CSMD2: variants seen among roughly 807,000 people sequenced by gnomAD.
CSMD2 encodes the protein CUB and Sushi multiple domains 2.
In CSMD2, 130 loss-of-function variants were observed where a neutral mutation model predicts 398.5. The ratio of observed to expected loss-of-function variants is 0.33; its 90% confidence interval spans 0.28 to 0.38. The LOEUF (loss-of-function observed/expected upper bound fraction) is 0.38. CSMD2 is among the 10% of genes least tolerant of loss of function. The pLI, the probability that CSMD2 is intolerant of heterozygous loss-of-function variation, is 1.00. For missense variants in CSMD2, 3,829 were observed against 4,764.9 expected (o/e 0.80, Z 5.78); for synonymous variants, 1,828 against 1,908.5 (o/e 0.96, Z 1.10).
intron 1 of CSMD2, among the ~76,000 whole-genome samples, chr1:34,115,846 G>C (rs1050184315): frequency 2.6e-5 from 4 of 151,838 alleles, no homozygotes; most frequent in African/African-American, 9.7e-5. Context: ...ATAGCGTGAA[G>C]TTTTTATATG....
At chr1:33,992,362 A>G (rs1180329069) in intron 3 of CSMD2, among the ~76,000 whole-genome samples, 1 of 151,934 alleles carries the variant, frequency 6.6e-6, no homozygotes, top group Non-Finnish European at 1.5e-5. Context: ...CAGGCTCACC[A>G]TGCCCTTCTA....
At position 33,716,509 on chromosome 1, in the gene CSMD2, G is replaced by A; in HGVS notation, c.3002-8C>T. 1.9e-6 allele frequency: 3 copies of A among 1,606,698 alleles called. No individual in the cohort carries two copies. Among genetic ancestry groups the A allele is most frequent in the South Asian group, 1.1e-5 (1 of 90,192 alleles). On this transcript the variant is annotated splice_region_variant and splice_polypyrimidine_tract_variant and intron_variant, in intron 19 of 70. Transcript: ENST00000373381. ...GGAAAGTGAAGAACACACCTGCCAA[G>A]AGACCAGAGGGTCAGGTTGTTGATG...
intron 37 of CSMD2, among the ~76,000 whole-genome samples, chr1:33,621,594 G>T (rs1416016691): frequency 6.6e-6 from 1 of 152,190 alleles, no homozygotes; most frequent in African/African-American, 2.4e-5. Context: ...GTGGAGAAAG[G>T]GGGTAGGGCA....
At chr1:33,786,889 G>C (rs1221334623) in intron 12 of CSMD2, among the ~76,000 whole-genome samples, 1 of 152,172 alleles carries the variant, frequency 6.6e-6, no homozygotes, top group Non-Finnish European at 1.5e-5. Flanking sequence ...CTCCTGTTAT[G>C]GGGTGAACTG....
chr1:34,107,524 C>A (rs945328426), intron 1 of CSMD2, among the ~76,000 whole-genome samples: 3 of 152,022 alleles, frequency 2.0e-5, no homozygotes, highest in Admixed American at 2.0e-4. Flanking sequence ...AGTAATCTGC[C>A]CAAGGTCAGA....
chr1:34,159,468 G>T (rs1423089913), intron 1 of CSMD2, among the ~76,000 whole-genome samples: 1 of 152,114 alleles, frequency 6.6e-6, no homozygotes. Flanking sequence ...GGCCAAAGAA[G>T]GCAGCCTGGG....
intron 2 of CSMD2, among the ~76,000 whole-genome samples, chr1:34,037,135 A>T (rs1289715669): frequency 6.8e-6 from 1 of 147,452 alleles, no homozygotes; most frequent in Admixed American, 6.8e-5. Context: ...AATAAGTTTT[A>T]AAAAATTATA....
At chr1:33,844,402 A>C (rs1661164615) in intron 6 of CSMD2, among the ~76,000 whole-genome samples, 1 of 152,206 alleles carries the variant, frequency 6.6e-6, no homozygotes. Flanking sequence ...TGCACAGGAC[A>C]CTTCCTCACA....
intron 5 of CSMD2, among the ~76,000 whole-genome samples, chr1:33,915,748 C>A (rs1437052702): frequency 2.0e-5 from 3 of 152,336 alleles, no homozygotes; most frequent in Admixed American, 2.0e-4. Flanking sequence ...AACTTGGGAA[C>A]CACCTAACAA....
At chr1:34,101,213 C>T (rs1031329959) in intron 1 of CSMD2, among the ~76,000 whole-genome samples, 12 of 152,228 alleles carry the variant, frequency 7.9e-5, no homozygotes, top group Non-Finnish European at 4.4e-5. Context: ...TCCATTTTGA[C>T]GGCACCTTGC....
At chr1:34,001,990 C>G (rs1413197242) in intron 3 of CSMD2, among the ~76,000 whole-genome samples, 2 of 152,084 alleles carry the variant, frequency 1.3e-5, no homozygotes, top group Non-Finnish European at 2.9e-5. Flanking sequence ...ATTTGAGGAG[C>G]TAATGTCTAA....
intron 3 of CSMD2, among the ~76,000 whole-genome samples, chr1:34,010,338 C>A (rs575202006): frequency 6.6e-6 from 1 of 152,310 alleles, no homozygotes; most frequent in South Asian, 2.1e-4. Flanking sequence ...AGTTATCATC[C>A]ACAACCCTCT....
intron 13 of CSMD2, among the ~76,000 whole-genome samples, chr1:33,769,481 T>C (rs1650978286): frequency 6.6e-6 from 1 of 152,196 alleles, no homozygotes; most frequent in Non-Finnish European, 1.5e-5. Flanking sequence ...GCTCCACCTT[T>C]TCTTTCAAAA....
At chr1:33,983,447 C>G (rs540567114) in intron 3 of CSMD2, among the ~76,000 whole-genome samples, 59 of 152,278 alleles carry the variant, frequency 3.9e-4, no homozygotes, top group Non-Finnish European at 7.5e-4. Context: ...TCCTTGGAGA[C>G]TGGTTATGTA....
intron 4 of CSMD2, among the ~76,000 whole-genome samples, chr1:33,930,014 G>A (rs748377505): frequency 3.9e-5 from 6 of 152,152 alleles, no homozygotes; most frequent in South Asian, 4.1e-4. Flanking sequence ...TTTATTTGGC[G>A]TGTGTATCTG....
At chr1:33,630,184 C>T (rs1642383450) in intron 32 of CSMD2, among the ~76,000 whole-genome samples, 1 of 152,032 alleles carries the variant, frequency 6.6e-6, no homozygotes, top group Non-Finnish European at 1.5e-5. Context: ...ATGTAGACCT[C>T]TCTATAGCTC....
At chr1:33,695,628 C>T (rs1330177550) in intron 24 of CSMD2, among the ~76,000 whole-genome samples, 3 of 152,212 alleles carry the variant, frequency 2.0e-5, no homozygotes, top group Non-Finnish European at 4.4e-5. Flanking sequence ...CTCAGGCCCT[C>T]ACAATCTCTA....
At chr1:33,890,790 T>C (rs1333037374) in intron 5 of CSMD2, among the ~76,000 whole-genome samples, 1 of 151,920 alleles carries the variant, frequency 6.6e-6, no homozygotes, top group Non-Finnish European at 1.5e-5. Context: ...AAACAAGCAA[T>C]GGGGAAAGGA....
At chr1:33,747,932 A>G (rs983273513) in intron 13 of CSMD2, among the ~76,000 whole-genome samples, 7 of 152,242 alleles carry the variant, frequency 4.6e-5, no homozygotes, top group Non-Finnish European at 2.9e-5. Flanking sequence ...GTGAACAACA[A>G]AAAAGGAATT....
Sources: allele counts gnomAD v4.1 joint callset (sites outside exome capture counted in the v4.1 genomes callset), GRCh38; gene constraint gnomAD v4.1.1; transcripts MANE v1.5; gene names NCBI Gene and HGNC (gene_info 2026-07-23, HGNC 2026-07-21).